Variants in KDM6A observed in about 807,000 individuals in gnomAD.
The protein encoded by KDM6A is lysine-specific demethylase 6A.
In KDM6A, 11 loss-of-function variants were observed where a neutral mutation model predicts 117.6. The observed-to-expected ratio is 0.09, with a 90% CI of 0.06 to 0.15. KDM6A has a LOEUF of 0.15. Among genes scored for constraint, KDM6A ranks in the 10% least tolerant of loss-of-function variants. The pLI, the probability that KDM6A is intolerant of heterozygous loss-of-function variation, is 1.00. For missense variants in KDM6A, 799 were observed against 1,077.3 expected (o/e 0.74, Z 3.62); for synonymous variants, 384 against 396.1 (o/e 0.97, Z 0.36).
At chrX:45,037,180 A>AT (rs1351195828) in intron 7 of KDM6A, among the ~76,000 whole-genome samples, 3 of 111,780 alleles carry the variant, frequency 2.7e-5, no homozygotes, top group Non-Finnish European at 3.8e-5. Flanking sequence ...TGTAAAACTT[A>AT]TTTTTCTTTG....
intron 8 of KDM6A, among the ~76,000 whole-genome samples, chrX:45,044,412 T>G (rs2043435390): frequency 1.8e-5 from 2 of 111,764 alleles, no homozygotes; most frequent in Non-Finnish European, 3.8e-5. Context: ...CTTTTCATTC[T>G]GTTACTGAAA....
At chrX:44,992,976 A>G (rs1035141005) in intron 4 of KDM6A, among the ~76,000 whole-genome samples, 4 of 112,160 alleles carry the variant, frequency 3.6e-5, no homozygotes, top group Non-Finnish European at 7.5e-5. Context: ...TCCTCCTGTC[A>G]TGATTAGATA....
intron 2 of KDM6A, among the ~76,000 whole-genome samples, chrX:44,945,432 C>T (rs1415110866): frequency 9.1e-6 from 1 of 110,336 alleles, no homozygotes; most frequent in Non-Finnish European, 1.9e-5. Context: ...TGGCCTGAAG[C>T]AGAAGTCCGA....
chrX:44,914,655 T>C (rs924298921), intron 2 of KDM6A, among the ~76,000 whole-genome samples: 1 of 111,291 alleles, frequency 9.0e-6, no homozygotes, highest in South Asian at 3.8e-4. Context: ...GCTGTGAGAC[T>C]GTGGATAGGC....
intron 2 of KDM6A, among the ~76,000 whole-genome samples, chrX:44,899,209 G>T (rs2146675267): frequency 1.1e-5 from 1 of 91,405 alleles, no homozygotes; most frequent in South Asian, 5.8e-4. Flanking sequence ...GAGGAAGGGA[G>T]GGTGTGTGTG....
At chrX:45,016,819 T>C (rs1255528296) in intron 5 of KDM6A, among the ~76,000 whole-genome samples, 1 of 111,539 alleles carries the variant, frequency 9.0e-6, no homozygotes, top group Non-Finnish European at 1.9e-5. Flanking sequence ...TTATTATGTG[T>C]CTTTCCAAAT....
chrX:45,108,149 G>A (rs2046601564), intron 28 of KDM6A, among the ~76,000 whole-genome samples: 3 of 111,635 alleles, frequency 2.7e-5, no homozygotes, highest in Non-Finnish European at 1.9e-5. Context: ...AAACGTATTA[G>A]CATTTGAGTC....
chrX:45,061,270 CTG>C (rs1234307344), intron 14 of KDM6A, 52 bp from the exon 15 acceptor site: 2 of 683,207 alleles, frequency 2.9e-6, no homozygotes, highest in African/African-American at 4.4e-5. Context: ...TTATTATTAA[CTG>C]TGGATTTAAC....
At chrX:44,967,550 T>G (rs957353144) in intron 3 of KDM6A, among the ~76,000 whole-genome samples, 1 of 111,875 alleles carries the variant, frequency 8.9e-6, no homozygotes, top group Admixed American at 9.5e-5. Flanking sequence ...ATAGTCATCT[T>G]TTCTGTGTAA....
chrX:44,932,929 C>T (rs1264057373), intron 2 of KDM6A, among the ~76,000 whole-genome samples: 2 of 107,571 alleles, frequency 1.9e-5, no homozygotes, highest in Non-Finnish European at 3.8e-5. Flanking sequence ...CTCTTGTTGC[C>T]CAGGCTGGAG....
chrX:44,917,309 G>A (rs1160530869), intron 2 of KDM6A, among the ~76,000 whole-genome samples: 1 of 111,366 alleles, frequency 9.0e-6, no homozygotes, highest in African/African-American at 3.3e-5. Flanking sequence ...TTACAAGGGT[G>A]AGCCACGGAG....
Position 45,051,741 on chromosome X carries a change from A to T in KDM6A, c.687A>T (p.Glu229Asp). 1 of 1,191,801 alleles carries T rather than the reference A, an allele frequency of 8.4e-7. No individual in the cohort carries two copies. Among genetic ancestry groups the T allele is most frequent in the Non-Finnish European group, 1.1e-6 (1 of 879,231 alleles). Residue 229 changes from glutamate to aspartate, a missense_variant, in exon 9 of 30, where the codon GAA becomes GAT. This residue lies in a region of KDM6A where 63 missense variants were observed against 68.2 expected (regional missense o/e 0.92). Transcript: ENST00000611820. ...RKYHSAKEAY[E>D]QLLQTENLSA... is the part of the protein sequence containing the mutation. Reference sequence around the variant, plus strand: ...ATCATTCTGCAAAAGAAGCTTATGAACAACTTTTGCAGACAGAGAATCTTT... The same window carrying T: ...ATCATTCTGCAAAAGAAGCTTATGATCAACTTTTGCAGACAGAGAATCTTT...
chrX:45,015,980 T>G (rs1228742672), intron 5 of KDM6A, among the ~76,000 whole-genome samples: 1 of 111,648 alleles, frequency 9.0e-6, no homozygotes, highest in Non-Finnish European at 1.9e-5. Context: ...AGGTGATATA[T>G]TAGCAACTGT....
chrX:45,040,375 A>T (rs1487859163), intron 8 of KDM6A, among the ~76,000 whole-genome samples: 2 of 42,266 alleles, frequency 4.7e-5, no homozygotes, highest in South Asian at 1.5e-3. Context: ...CCTCCCGGAC[A>T]GGGCGGCTGG....
chrX:44,876,091 C>CGATT (rs2031507626), intron 2 of KDM6A, among the ~76,000 whole-genome samples: 1 of 111,289 alleles, frequency 9.0e-6, no homozygotes, highest in Non-Finnish European at 1.9e-5. Context: ...ATTTGATGAA[C>CGATT]GATTAAGCAG....
intron 3 of KDM6A, among the ~76,000 whole-genome samples, chrX:44,969,293 G>A: frequency 9.0e-6 from 1 of 110,540 alleles, no homozygotes; most frequent in Middle Eastern, 4.6e-3. Context: ...GGCAAAATAT[G>A]CTTTGGTTGT....
At chrX:45,030,049 C>G (rs1189364772) in intron 6 of KDM6A, among the ~76,000 whole-genome samples, 1 of 110,814 alleles carries the variant, frequency 9.0e-6, no homozygotes, top group African/African-American at 3.3e-5. Flanking sequence ...GAAGAGATTC[C>G]CATTTACGGG....
intron 2 of KDM6A, 24 bp from the exon 3 acceptor site, chrX:44,961,260 A>AT: frequency 9.0e-7 from 1 of 1,110,249 alleles, no homozygotes; most frequent in South Asian, 1.9e-5. Context: ...TTTTGCTTAC[A>AT]TATTTGTATT....
chrX:45,066,415 TTG>T (rs779459318), intron 17 of KDM6A, among the ~76,000 whole-genome samples: 10 of 111,421 alleles, frequency 9.0e-5, no homozygotes, highest in Admixed American at 1.9e-4. Flanking sequence ...TGTCTTGTTG[TTG>T]TTTTAAATTT....
Sources: gnomAD v4.1 joint callset for allele counts (sites outside exome capture counted in the v4.1 genomes callset) on GRCh38, gnomAD v4.1.1 for gene constraint, gnomAD v4.1.1 regional missense constraint, MANE v1.5 for transcripts, NCBI Gene and HGNC (gene_info 2026-07-23, HGNC 2026-07-21) for gene names.